GPC6: variants seen among roughly 807,000 people sequenced by gnomAD.
GPC6 encodes the protein glypican-6.
In GPC6, 14 loss-of-function variants were observed where a neutral mutation model predicts 55.2. The observed-to-expected ratio is 0.25, with a 90% CI of 0.17 to 0.40. The LOEUF (loss-of-function observed/expected upper bound fraction) is 0.40. Ranked by LOEUF, GPC6 falls within the 10% of genes least tolerant of loss-of-function variation. The probability of loss-of-function intolerance (pLI) is 1.00; values close to 1 mark genes in which losing one functional copy is unlikely to be tolerated. For missense variants in GPC6, 641 were observed against 708.5 expected (o/e 0.90, Z 1.08); for synonymous variants, 278 against 259.6 (o/e 1.07, Z -0.68).
intron 2 of GPC6, among the ~76,000 whole-genome samples, chr13:93,550,519 T>C (rs896564136): frequency 1.2e-4 from 19 of 152,296 alleles, no homozygotes; most frequent in African/African-American, 4.3e-4. Flanking sequence ...GAACTTATTC[T>C]ATAGTAACAC....
At chr13:93,775,244 A>G (rs1885429612) in intron 2 of GPC6, among the ~76,000 whole-genome samples, 1 of 152,130 alleles carries the variant, frequency 6.6e-6, no homozygotes, top group African/African-American at 2.4e-5. Context: ...GGCTCAAGTG[A>G]TCCTCCTGCC....
intron 1 of GPC6, among the ~76,000 whole-genome samples, chr13:93,231,411 A>ATATATATATATG (rs2139002721): frequency 2.6e-5 from 1 of 37,840 alleles, no homozygotes; most frequent in South Asian, 8.3e-4. Flanking sequence ...ATATATATAT[A>ATATATATATATG]TATATATATA....
In GPC6 at chr13:93,540,478, CATAT is replaced by C. The variant is rs1422906657; in HGVS notation, c.161-4780_161-4777del. 8.5e-5 allele frequency among the ~76,000 whole-genome samples: 13 copies of C among 152,086 alleles called. No homozygotes were observed. The South Asian group carries it at 2.7e-3, about 32-fold the overall frequency. ...TGCATTTCCTCTTCTTTTAAAAATACATATATATTTATTTTTTGTCTCCTTTTCT... is the reference window on the plus strand; with the variant it reads ...TGCATTTCCTCTTCTTTTAAAAATACATATTTATTTTTTGTCTCCTTTTCT... On this transcript the variant is annotated intron_variant, in intron 1 of 8. Transcript: ENST00000377047.
intron 1 of GPC6, 135 bp from the exon 2 acceptor site, chr13:93,545,128 G>C: frequency 1.3e-6 from 1 of 749,034 alleles, no homozygotes; most frequent in Non-Finnish European, 2.4e-6. Context: ...GGCCCAGATA[G>C]AGTTCATGGG....
chr13:93,634,950 T>C (rs1054092964), intron 2 of GPC6, among the ~76,000 whole-genome samples: 1 of 152,072 alleles, frequency 6.6e-6, no homozygotes, highest in African/African-American at 2.4e-5. Flanking sequence ...TATGTAGAGT[T>C]TGAACTACAT....
chr13:93,628,401 T>G (rs558434305), intron 2 of GPC6, among the ~76,000 whole-genome samples: 1 of 152,320 alleles, frequency 6.6e-6, no homozygotes, highest in East Asian at 1.9e-4. Context: ...GCATTGCCTA[T>G]TCCTTGGTAA....
chr13:93,504,482 GT>G lies in GPC6; in HGVS notation c.161-40764del, dbSNP rs55771607. Among the ~76,000 whole-genome samples the G allele has an allele frequency of 2.5e-3, 325 of 129,962 alleles. 1 individual carries two copies. The highest frequency in any genetic ancestry group is 5.1e-3 in the South Asian group (21 of 4,086). The allele number at this position is 129,962 out of a possible 152,430, so 85.3% of individuals were successfully genotyped here. A position where few individuals can be genotyped will look rare whatever the true frequency, so the allele number is the denominator to read the frequency against. On this transcript the variant is annotated intron_variant, in intron 1 of 8. Coordinates refer to ENST00000377047, the MANE Select transcript of GPC6 (RefSeq NM_005708.5). ...ACATTATAAAAATAAAAACAACATA[GT>G]TTTTTTTTTTTTTTTTCTGCTTTCC...
At chr13:93,283,112 C>A (rs985508854) in intron 1 of GPC6, among the ~76,000 whole-genome samples, 1 of 151,132 alleles carries the variant, frequency 6.6e-6, no homozygotes, top group Non-Finnish European at 1.5e-5. Flanking sequence ...ACAATATGCT[C>A]ATTTTGCTAC....
Position 94,359,253 on chromosome 13 carries a change from GA to G in GPC6, c.1153-23158del, listed in dbSNP as rs565920659. Among the ~76,000 whole-genome samples, 448 of 152,164 alleles carry G rather than the reference GA, an allele frequency of 2.9e-3. 1 individual carries two copies. Among genetic ancestry groups the G allele is most frequent in the Non-Finnish European group, 3.7e-3 (250 of 67,990 alleles). On this transcript the variant is annotated intron_variant, in intron 6 of 8. Coordinates refer to ENST00000377047, the MANE Select transcript of GPC6 (RefSeq NM_005708.5). ...TTTTCCACATAGGAAATAATTTGAA[GA>G]AATAAAATGAAAACTATTTTCAAAA...
intron 1 of GPC6, among the ~76,000 whole-genome samples, chr13:93,415,792 A>C (rs1876675984): frequency 6.6e-6 from 1 of 152,046 alleles, no homozygotes; most frequent in African/African-American, 2.4e-5. Flanking sequence ...TTTTTTGTGA[A>C]CAGCCTAGCT....
At chr13:93,755,307 T>A (rs1328352616) in intron 2 of GPC6, among the ~76,000 whole-genome samples, 2 of 152,166 alleles carry the variant, frequency 1.3e-5, no homozygotes, top group East Asian at 1.9e-4. Context: ...TGATGGCCGA[T>A]GGATTTTACA....
At chr13:94,244,659 TATGAGAG>T (rs1254421607) in intron 4 of GPC6, among the ~76,000 whole-genome samples, 1 of 152,118 alleles carries the variant, frequency 6.6e-6, no homozygotes, top group East Asian at 1.9e-4. Flanking sequence ...CATCCATTTA[TATGAGAG>T]ATGAGAATAA....
At chr13:93,955,243 GCA>G (rs10524254) in intron 3 of GPC6, among the ~76,000 whole-genome samples, 45,451 of 135,784 alleles carry the variant, frequency 0.33, 7,190 homozygotes, top group Admixed American at 0.4. Context: ...GAATGAACAT[GCA>G]CACACACACA....
At chr13:93,969,053 A>G (rs1404513806) in intron 3 of GPC6, among the ~76,000 whole-genome samples, 1 of 152,184 alleles carries the variant, frequency 6.6e-6, no homozygotes, top group Non-Finnish European at 1.5e-5. Flanking sequence ...TTGATGCTAA[A>G]CATTTAGAAG....
intron 3 of GPC6, among the ~76,000 whole-genome samples, chr13:93,945,213 C>T (rs896098144): frequency 2.6e-5 from 4 of 152,200 alleles, no homozygotes; most frequent in African/African-American, 7.2e-5. Flanking sequence ...TTATATAGTA[C>T]ACCTATGACT....
At chr13:93,221,685 G>T in the GPC6 span, among the ~76,000 whole-genome samples, 2 of 152,278 alleles carry the variant, frequency 1.3e-5, no homozygotes, top group East Asian at 1.9e-4. Flanking sequence ...ATTCACCCAG[G>T]TTTACCTTTT....
intron 2 of GPC6, among the ~76,000 whole-genome samples, chr13:93,781,348 G>A (rs895777364): frequency 5.3e-5 from 8 of 151,166 alleles, no homozygotes; most frequent in South Asian, 2.1e-4. Context: ...AGTCTTTTTC[G>A]CAAGCGCCAT....
At chr13:93,248,491 GA>G in intron 1 of GPC6, among the ~76,000 whole-genome samples, 1 of 150,834 alleles carries the variant, frequency 6.6e-6, no homozygotes, top group East Asian at 1.9e-4. Flanking sequence ...CTATAATCAG[GA>G]AAAATGGAAT....
At chr13:94,306,426 G>A (rs929764944) in intron 6 of GPC6, among the ~76,000 whole-genome samples, 1 of 152,144 alleles carries the variant, frequency 6.6e-6, no homozygotes, top group Non-Finnish European at 1.5e-5. Flanking sequence ...TTCTTCCAGA[G>A]ATATAATTGC....
Sources: allele counts gnomAD v4.1 joint callset (sites outside exome capture counted in the v4.1 genomes callset), GRCh38; gene constraint gnomAD v4.1.1; transcripts MANE v1.5; gene names NCBI Gene and HGNC (gene_info 2026-07-23, HGNC 2026-07-21).